Variants in TIAM1 observed in about 807,000 individuals in gnomAD.
TIAM1 encodes rho guanine nucleotide exchange factor TIAM1.
Under a neutral mutation model 163.5 loss-of-function variants are expected in TIAM1, and 65 were observed. The ratio of observed to expected loss-of-function variants is 0.40; its 90% CI spans 0.33 to 0.49. TIAM1 has a LOEUF of 0.49. Ranked by LOEUF, TIAM1 falls within the 20% of genes least tolerant of loss-of-function variation. TIAM1 has a pLI of 0.77. For missense variants in TIAM1, 1,789 were observed against 2,044.7 expected, an observed-to-expected ratio of 0.87 and a Z score of 2.41; for synonymous variants, 833 against 810.1, an observed-to-expected ratio of 1.03 and a Z score of -0.48.
chr21:31,482,075 G>GTGTGTC (rs2046127647), intron 1 of TIAM1, among the ~76,000 whole-genome samples: 1 of 151,048 alleles, frequency 6.6e-6, no homozygotes, highest in South Asian at 2.1e-4. Context: ...GTGTGTGTGT[G>GTGTGTC]TGTGTGTGTG....
intron 1 of TIAM1, among the ~76,000 whole-genome samples, chr21:31,519,305 CAAAAAAA>C (rs369132676): frequency 5.1e-4 from 27 of 53,120 alleles, no homozygotes; most frequent in South Asian, 1.4e-3. Flanking sequence ...AACTCTGTCT[CAAAAAAA>C]AAAAAAAAAA....
intron 1 of TIAM1, among the ~76,000 whole-genome samples, chr21:31,521,694 T>A (rs928553326): frequency 6.6e-6 from 1 of 151,292 alleles, no homozygotes; most frequent in South Asian, 2.1e-4. Flanking sequence ...CCATGACTTG[T>A]ACCACTGCAT....
At chr21:31,415,846 C>G (rs2147249392) in intron 2 of TIAM1, among the ~76,000 whole-genome samples, 1 of 152,226 alleles carries the variant, frequency 6.6e-6, no homozygotes, top group Non-Finnish European at 1.5e-5. Context: ...CTTCCCCACA[C>G]TGTCTCCTCC....
intron 11 of TIAM1, among the ~76,000 whole-genome samples, chr21:31,208,850 T>C (rs2086580388): frequency 6.6e-6 from 1 of 152,130 alleles, no homozygotes; most frequent in Non-Finnish European, 1.5e-5. Context: ...GTAGTGAAAG[T>C]CATTCAGTAT....
intron 1 of TIAM1, among the ~76,000 whole-genome samples, chr21:31,470,552 C>G (rs1219767848): frequency 6.6e-6 from 1 of 151,464 alleles, no homozygotes; most frequent in Non-Finnish European, 1.5e-5. Flanking sequence ...AGGCTCGTCT[C>G]GAACTCTTGA....
At chr21:31,524,518 T>C (rs1410900336) in intron 1 of TIAM1, among the ~76,000 whole-genome samples, 5 of 152,202 alleles carry the variant, frequency 3.3e-5, no homozygotes, top group East Asian at 1.9e-4. Flanking sequence ...TCCCAGAACC[T>C]GGACTCAAAA....
intron 1 of TIAM1, among the ~76,000 whole-genome samples, chr21:31,510,791 G>A (rs2047188084): frequency 6.6e-6 from 1 of 150,772 alleles, no homozygotes; most frequent in African/African-American, 2.4e-5. Context: ...TCCAGCCTGG[G>A]CTACAAGAGT....
At chr21:31,247,786 TC>T (rs1167448638) in intron 5 of TIAM1, among the ~76,000 whole-genome samples, 3 of 152,154 alleles carry the variant, frequency 2.0e-5, no homozygotes, top group African/African-American at 7.2e-5. Context: ...TTTTCTCAAA[TC>T]CCAAAGATTT....
chr21:31,223,535 G>A lies in TIAM1; in HGVS notation c.1866C>T (p.Arg622=), dbSNP rs150044437. 12 of 1,613,474 alleles carry A rather than the reference G, an allele frequency of 7.4e-6. No homozygotes were observed. Among genetic ancestry groups the A allele is most frequent in the Non-Finnish European group, 1.0e-5 (12 of 1,179,618 alleles). Residue 622 remains arginine, a synonymous_variant, in exon 8 of 28, where the codon CGC becomes CGT. Coordinates refer to ENST00000541036, the MANE Select transcript of TIAM1 (RefSeq NM_001353694.2). ...EQFQMDLFRF[R]CYLASLQGGE... The stretch of plus-strand genomic sequence containing the variant: ...CACCCTGAAGGCTGGCTAAATAACA[G>A]CGGAAACGAAACAGGTCCATTTGGA...
At chr21:31,468,784 C>A (rs540999392) in intron 1 of TIAM1, among the ~76,000 whole-genome samples, 1 of 151,658 alleles carries the variant, frequency 6.6e-6, no homozygotes, top group African/African-American at 2.4e-5. Context: ...TCAAAAAAAA[C>A]GAACCTAGAA....
intron 4 of TIAM1, among the ~76,000 whole-genome samples, chr21:31,255,193 G>A (rs750170746): frequency 1.3e-5 from 2 of 152,192 alleles, no homozygotes; most frequent in Admixed American, 6.5e-5. Flanking sequence ...AAACAGCTCC[G>A]TGTCATCAAC....
chr21:31,135,728 TG>T (rs1192317326), intron 23 of TIAM1, among the ~76,000 whole-genome samples: 15 of 152,224 alleles, frequency 9.9e-5, no homozygotes, highest in Admixed American at 6.5e-4. Flanking sequence ...CGCCCACCCA[TG>T]TGGCTGAGTG....
chr21:31,137,169 C>G (rs181134152), intron 22 of TIAM1, among the ~76,000 whole-genome samples: 1 of 152,232 alleles, frequency 6.6e-6, no homozygotes, highest in African/African-American at 2.4e-5. Context: ...GTTTCCTATA[C>G]AGCAGCAACC....
intron 20 of TIAM1, among the ~76,000 whole-genome samples, chr21:31,146,153 A>C (rs1247119207): frequency 6.6e-6 from 1 of 152,206 alleles, no homozygotes; most frequent in Non-Finnish European, 1.5e-5. Context: ...TGACAAAACC[A>C]TTAATTCAAG....
At chr21:31,167,669 CT>C (rs1208277846) in intron 15 of TIAM1, among the ~76,000 whole-genome samples, 1 of 152,056 alleles carries the variant, frequency 6.6e-6, no homozygotes, top group Non-Finnish European at 1.5e-5. Flanking sequence ...GGGGACAATT[CT>C]TTTGGGACAG....
In TIAM1 at chr21:31,252,333, G is replaced by C. The variant is rs2071859801; in HGVS notation, c.964-144C>G. ...GCACAGCCACTCCTGACGGCTCCTG[G>C]ACCAGGTCCTGCTCAACCCTGGACC... On this transcript the variant is annotated intron_variant, in intron 4 of 27. Coordinates refer to ENST00000541036, the MANE Select transcript of TIAM1 (RefSeq NM_001353694.2). The C allele has an allele frequency of 5.7e-6, 5 of 877,018 alleles. 1 individual carries two copies. The South Asian group carries it at 8.3e-5, about 15-fold the overall frequency. 54.3% of individuals were successfully genotyped at this position (877,018 alleles called of 1,614,324 possible).
intron 4 of TIAM1, among the ~76,000 whole-genome samples, chr21:31,258,436 A>C (rs1478674514): frequency 3.3e-5 from 5 of 152,346 alleles, no homozygotes; most frequent in Admixed American, 2.0e-4. Context: ...GCTTACATTT[A>C]TAGGCTTTAA....
upstream of TIAM1, among the ~76,000 whole-genome samples, chr21:31,345,959 A>AT (rs1162223251): frequency 6.6e-6 from 1 of 152,214 alleles, no homozygotes; most frequent in East Asian, 1.9e-4. Flanking sequence ...TTGAAAATAA[A>AT]TAAATAAACA....
chr21:31,320,695 G>GA (rs530639723), intron 2 of TIAM1, among the ~76,000 whole-genome samples: 1 of 152,012 alleles, frequency 6.6e-6, no homozygotes, highest in Non-Finnish European at 1.5e-5. Context: ...ATGTGGAATT[G>GA]AAAAAAAGGA....
Sources: allele counts gnomAD v4.1 joint callset (sites outside exome capture counted in the v4.1 genomes callset), GRCh38; gene constraint gnomAD v4.1.1; transcripts MANE v1.5; gene names NCBI Gene and HGNC (gene_info 2026-07-23, HGNC 2026-07-21).